Variants in LAMP3 observed in about 807,000 individuals in gnomAD.
LAMP3 encodes the protein lysosome-associated membrane glycoprotein 3.
Under a neutral mutation model 34.8 loss-of-function variants are expected in LAMP3, and 26 were observed. That is an observed-to-expected ratio of 0.75 (90% CI 0.55 to 1.04). The LOEUF (loss-of-function observed/expected upper bound fraction) is 1.04. LAMP3 is among the 50% of genes least tolerant of loss of function. The pLI, the probability that LAMP3 is intolerant of heterozygous loss-of-function variation, is 0.00. For missense variants in LAMP3, 495 were observed against 524.0 expected (o/e 0.94, Z 0.54); for synonymous variants, 180 against 201.9 (o/e 0.89, Z 0.92).
chr3:183,142,351 A>G (rs1483474457), intron 3 of LAMP3, among the ~76,000 whole-genome samples: 3 of 152,122 alleles, frequency 2.0e-5, no homozygotes, highest in Non-Finnish European at 4.4e-5. Flanking sequence ...GAGCAGCAGA[A>G]TAGTGATGAG....
chr3:183,127,528 A>T (rs1490171388), intron 5 of LAMP3, among the ~76,000 whole-genome samples: 1 of 151,896 alleles, frequency 6.6e-6, no homozygotes, highest in Non-Finnish European at 1.5e-5. Context: ...ATTCTCATAG[A>T]TGGAAAATTA....
At position 183,137,146 on chromosome 3, in the gene LAMP3, T is replaced by G. The variant is rs949249122; in HGVS notation, c.947-1259A>C. Among the ~76,000 whole-genome samples, 30 of 152,040 alleles carry G rather than the reference T, an allele frequency of 2.0e-4. 1 individual carries two copies. Among genetic ancestry groups the G allele is most frequent in the African/African-American group, 7.0e-4 (29 of 41,462 alleles). On this transcript the variant is annotated intron_variant, in intron 4 of 5. Transcript: ENST00000265598. ...CAGCCTGGCCAATGTGGTGAAACCC[T>G]GCCTCTACTAAAAATACAAAAATTA... is the stretch of plus-strand genomic sequence containing the variant.
At chr3:183,146,522 A>AT (rs1192142107) in intron 3 of LAMP3, among the ~76,000 whole-genome samples, 3,270 of 130,056 alleles carry the variant, frequency 0.025, 52 homozygotes, top group Middle Eastern at 0.038. Flanking sequence ...TGGTGCTCAA[A>AT]TTTTTTTTTT....
chr3:183,153,631 T>A (rs750218344), intron 2 of LAMP3, 51 bp downstream of exon 2: 15 of 1,317,902 alleles, frequency 1.1e-5, no homozygotes, highest in Non-Finnish European at 1.5e-5. Flanking sequence ...CAAGGCAACC[T>A]CCACTCAGAC....
At chr3:183,162,002 G>A (rs1455491819) in intron 1 of LAMP3, 87 of 984,970 alleles carry the variant, frequency 8.8e-5, no homozygotes, top group Non-Finnish European at 1.0e-4. Flanking sequence ...CGGGCGGTAG[G>A]GACGGAGACA....
chr3:183,137,940 C>T (rs1720152128), intron 4 of LAMP3, among the ~76,000 whole-genome samples: 1 of 151,856 alleles, frequency 6.6e-6, no homozygotes, highest in African/African-American at 2.4e-5. Flanking sequence ...CTGCCTCAGA[C>T]TCCTGAGTAG....
intron 5 of LAMP3, among the ~76,000 whole-genome samples, chr3:183,128,147 CA>C (rs56282591): frequency 2.7e-4 from 34 of 126,706 alleles, no homozygotes; most frequent in Admixed American, 4.1e-4. Flanking sequence ...CACTCCATCT[CA>C]AAAAAAAAAA....
rs553286960 is a variant in LAMP3, at chr3:183,145,283, A to AAAAAG, written c.889-4693_889-4689dup. ...TCTTTAAAAAATGAAACTGCGGGAAAAAAAGAAAGGAAATCCACCTCTCCT... is the reference window on the plus strand; with the variant it reads ...TCTTTAAAAAATGAAACTGCGGGAAAAAAAGAAAAGAAAGGAAATCCACCTCTCCT... On this transcript the variant is annotated intron_variant, in intron 3 of 5. Transcript: ENST00000265598. Among the ~76,000 whole-genome samples the AAAAAG allele has an allele frequency of 4.1e-3, 626 of 152,276 alleles. 2 individuals are homozygous for AAAAAG. The highest frequency in any genetic ancestry group is 0.014 in the African/African-American group (600 of 41,534).
intron 3 of LAMP3, among the ~76,000 whole-genome samples, chr3:183,148,991 A>G (rs1322474366): frequency 6.6e-6 from 1 of 152,232 alleles, no homozygotes; most frequent in Non-Finnish European, 1.5e-5. Flanking sequence ...CATGTACACA[A>G]TAGAGTACTA....
chr3:183,139,646 T>C (rs1340840980), intron 4 of LAMP3, among the ~76,000 whole-genome samples: 1 of 152,192 alleles, frequency 6.6e-6, no homozygotes, highest in Non-Finnish European at 1.5e-5. Context: ...TACAAAAAAG[T>C]GATGTGCATG....
chr3:183,139,009 T>C (rs1220905912), intron 4 of LAMP3, among the ~76,000 whole-genome samples: 1 of 152,076 alleles, frequency 6.6e-6, no homozygotes, highest in African/African-American at 2.4e-5. Flanking sequence ...AGAGAGGGCC[T>C]TTCTCCCCTG....
upstream of LAMP3, chr3:183,162,765 A>T: frequency 1.9e-6 from 2 of 1,066,632 alleles, no homozygotes; most frequent in Non-Finnish European, 2.6e-6. Context: ...TGCTTATGAG[A>T]AGCAGCCGAA....
At chr3:183,155,776 G>A (rs746528432) in intron 1 of LAMP3, among the ~76,000 whole-genome samples, 1 of 152,244 alleles carries the variant, frequency 6.6e-6, no homozygotes, top group Non-Finnish European at 1.5e-5. Context: ...TTTACCGTCA[G>A]TGCCTGCACA....
At chr3:183,125,042 T>C (rs1007718513) in intron 5 of LAMP3, among the ~76,000 whole-genome samples, 2 of 152,190 alleles carry the variant, frequency 1.3e-5, no homozygotes, top group Non-Finnish European at 2.9e-5. Context: ...ATCAAGACTG[T>C]TTTTTCTTTA....
intron 3 of LAMP3, among the ~76,000 whole-genome samples, chr3:183,143,565 C>G (rs7640027): frequency 0.16 from 24,814 of 152,144 alleles, 3,157 homozygotes; most frequent in African/African-American, 0.35. Context: ...CTACACATCT[C>G]TTCTGACTCA....
chr3:183,160,840 AC>A (rs1216608285), intron 1 of LAMP3: 5 of 152,328 alleles, frequency 3.3e-5, no homozygotes, highest in Non-Finnish European at 7.3e-5. Context: ...TAAAACGGAG[AC>A]AATAGCAGTA....
At chr3:183,132,649 G>T (rs1463591184) in intron 5 of LAMP3, 3 of 985,292 alleles carry the variant, frequency 3.0e-6, no homozygotes, top group Non-Finnish European at 3.6e-6. Flanking sequence ...AGTAGGGGAG[G>T]TGCTGTTTCC....
chr3:183,126,695 C>A (rs1468983951), intron 5 of LAMP3, among the ~76,000 whole-genome samples: 1 of 151,824 alleles, frequency 6.6e-6, no homozygotes, highest in Non-Finnish European at 1.5e-5. Flanking sequence ...AAACCAATTA[C>A]CCCAAGACCA....
chr3:183,154,447 C>T, intron 1 of LAMP3, 56 bp from the exon 2 acceptor site: 1 of 1,288,160 alleles, frequency 7.8e-7, no homozygotes, highest in Non-Finnish European at 1.1e-6. Context: ...TACAAGGTTC[C>T]CTCTCCCATC....
Sources: allele counts gnomAD v4.1 joint callset (sites outside exome capture counted in the v4.1 genomes callset), GRCh38; gene constraint gnomAD v4.1.1; transcripts MANE v1.5; gene names NCBI Gene and HGNC (gene_info 2026-07-23, HGNC 2026-07-21).